Variants in ADAMTS17 observed in about 807,000 individuals in gnomAD.
The protein encoded by ADAMTS17 is A disintegrin and metalloproteinase with thrombospondin motifs 17.
A neutral mutation model predicts 141.5 loss-of-function variants in ADAMTS17; 113 were observed. That is an observed-to-expected ratio of 0.80 (90% CI 0.69 to 0.93). ADAMTS17 has a LOEUF of 0.93. Among genes scored for constraint, ADAMTS17 ranks in the 40% least tolerant of loss-of-function variants. ADAMTS17 has a pLI of 0.00. For missense variants in ADAMTS17, 1,659 were observed against 1,517.9 expected (o/e 1.09, Z -1.54); for synonymous variants, 768 against 630.6 (o/e 1.22, Z -3.27).
intron 3 of ADAMTS17, among the ~76,000 whole-genome samples, chr15:100,323,614 T>TA (rs971003245): frequency 6.6e-6 from 1 of 151,318 alleles, no homozygotes; most frequent in African/African-American, 2.4e-5. Context: ...AGAGAACATT[T>TA]AAAAAAGGAA....
At chr15:100,282,998 T>C (rs1447787450) in intron 3 of ADAMTS17, among the ~76,000 whole-genome samples, 1 of 152,234 alleles carries the variant, frequency 6.6e-6, no homozygotes, top group African/African-American at 2.4e-5. Context: ...GATCTTCGTT[T>C]TCCTATTTTC....
chr15:100,126,212 T>C (rs981309807), intron 12 of ADAMTS17: 6 of 152,218 alleles, frequency 3.9e-5, no homozygotes, highest in Admixed American at 2.6e-4. Context: ...GCCCCGGAGA[T>C]GGCTGGTAAT....
intron 4 of ADAMTS17, among the ~76,000 whole-genome samples, chr15:100,274,508 A>G (rs2044015262): frequency 6.6e-6 from 1 of 152,204 alleles, no homozygotes; most frequent in Non-Finnish European, 1.5e-5. Context: ...GGTTACAATT[A>G]GCATGGAATT....
intron 3 of ADAMTS17, among the ~76,000 whole-genome samples, chr15:100,286,165 T>C (rs536673914): frequency 6.6e-6 from 1 of 152,010 alleles, no homozygotes; most frequent in Non-Finnish European, 1.5e-5. Context: ...CACCCACAGA[T>C]CTCTCCCACT....
At chr15:100,093,883 A>G (rs2035611684) in intron 15 of ADAMTS17, among the ~76,000 whole-genome samples, 1 of 152,054 alleles carries the variant, frequency 6.6e-6, no homozygotes, top group Non-Finnish European at 1.5e-5. Context: ...CCATTGCGTG[A>G]TTGGGCTTGG....
In ADAMTS17 at chr15:99,972,755, C is replaced by T. The variant is rs1188845742; in HGVS notation, c.*1647G>A. Reference sequence around the variant, plus strand: ...GGAAGTGAGTAAATTCCCTGACATCCCTACCGCTTCTCTGCCTCTAGGGTA... The same window carrying T: ...GGAAGTGAGTAAATTCCCTGACATCTCTACCGCTTCTCTGCCTCTAGGGTA... On this transcript the variant is annotated 3_prime_UTR_variant, in exon 22 of 22. Transcript: ENST00000268070. 2 of 152,188 alleles carry T rather than the reference C, an allele frequency of 1.3e-5. No individual in the cohort carries two copies. Among genetic ancestry groups the T allele is most frequent in the African/African-American group, 4.8e-5 (2 of 41,426 alleles). The allele number at this position is 152,188 out of a possible 1,614,324, so 9.4% of individuals were successfully genotyped here.
rs539976731 is a variant in ADAMTS17, at chr15:100,318,529, C to T, written c.616+12360G>A. Among the ~76,000 whole-genome samples the T allele has an allele frequency of 4.5e-4, 68 of 152,306 alleles. 1 individual carries two copies. The highest frequency in any genetic ancestry group is 1.6e-3 in the African/African-American group (68 of 41,562). On this transcript the variant is annotated intron_variant, in intron 3 of 21. Coordinates refer to ENST00000268070, the MANE Select transcript of ADAMTS17 (RefSeq NM_139057.4). ...CCATCTGTGAAGCAGAGAGCAGGCC[C>T]CTCACCAGACACTGAGGCTGCTAGT...
intron 18 of ADAMTS17, among the ~76,000 whole-genome samples, chr15:100,005,278 A>G (rs1408037969): frequency 6.6e-6 from 1 of 152,162 alleles, no homozygotes; most frequent in African/African-American, 2.4e-5. Flanking sequence ...CCCCAACTTA[A>G]TGGCTCAAAA....
At chr15:100,246,910 G>T (rs561371411) in intron 7 of ADAMTS17, among the ~76,000 whole-genome samples, 2 of 140,204 alleles carry the variant, frequency 1.4e-5, no homozygotes, top group Non-Finnish European at 3.1e-5. Context: ...TTGAGACAAT[G>T]TCTCTCTCTG....
At chr15:100,268,573 T>C (rs2043799731) in intron 4 of ADAMTS17, among the ~76,000 whole-genome samples, 1 of 152,246 alleles carries the variant, frequency 6.6e-6, no homozygotes, top group Non-Finnish European at 1.5e-5. Context: ...CACATGTTTG[T>C]TGGCCGTGTG....
intron 8 of ADAMTS17, among the ~76,000 whole-genome samples, chr15:100,193,798 G>T (rs7174928): frequency 0.013 from 2,040 of 152,312 alleles, 59 homozygotes; most frequent in African/African-American, 0.047. Context: ...CTCCAGAATG[G>T]AAAGAGAATG....
At chr15:100,289,824 T>C (rs1042546444) in intron 3 of ADAMTS17, among the ~76,000 whole-genome samples, 12 of 152,226 alleles carry the variant, frequency 7.9e-5, no homozygotes, top group African/African-American at 2.4e-4. Flanking sequence ...CATCCCTTTA[T>C]GTTAAAAACC....
intron 3 of ADAMTS17, chr15:100,306,174 A>G (rs1009787249): frequency 3.5e-5 from 10 of 288,780 alleles, no homozygotes; most frequent in Non-Finnish European, 4.1e-5. Context: ...ACCTACAGTT[A>G]TAGAGGTGTG....
intron 21 of ADAMTS17, among the ~76,000 whole-genome samples, chr15:99,975,777 G>A (rs1055231321): frequency 4.6e-5 from 7 of 152,216 alleles, no homozygotes; most frequent in Non-Finnish European, 7.3e-5. Context: ...TACAGTGTCT[G>A]TGGAACATTC....
At chr15:100,260,538 C>T (rs1335364293) in intron 6 of ADAMTS17, among the ~76,000 whole-genome samples, 2 of 151,622 alleles carry the variant, frequency 1.3e-5, no homozygotes, top group African/African-American at 4.8e-5. Flanking sequence ...CACTTGAACC[C>T]AGGACGCAGA....
At chr15:100,102,483 G>A (rs12914053) in intron 14 of ADAMTS17, among the ~76,000 whole-genome samples, 5 of 88,432 alleles carry the variant, frequency 5.7e-5, no homozygotes, top group South Asian at 4.4e-4. Context: ...CAACTGAAGG[G>A]GATCTACATT....
At chr15:100,227,617 T>TCA (rs2042351218) in intron 7 of ADAMTS17, among the ~76,000 whole-genome samples, 1 of 152,186 alleles carries the variant, frequency 6.6e-6, no homozygotes, top group Non-Finnish European at 1.5e-5. Flanking sequence ...GGCCTTTCCC[T>TCA]CATGGTCCCA....
Position 100,109,087 on chromosome 15 carries a change from G to T in ADAMTS17, c.1918C>A (p.Leu640Ile). Residue 640 changes from leucine (L) to isoleucine (I), a missense_variant, in exon 14 of 22, where the codon CTC (leucine) becomes ATC (isoleucine). Transcript: ENST00000268070. The stretch of plus-strand genomic sequence containing the variant: ...ACCAGCAGTGGGGACTCCTTCCCGA[G>T]GGGCGAGCAGTAGAGTTCACATGGC... ...DKPCELYCSP[L>I]GKESPLLVAD... 6.2e-7 allele frequency: 1 copy of T among 1,613,606 alleles called. No individual in the cohort carries two copies. The highest frequency in any genetic ancestry group is 8.5e-7 in the Non-Finnish European group (1 of 1,179,852).
chr15:100,127,436 T>A (rs1041966757), intron 12 of ADAMTS17, among the ~76,000 whole-genome samples: 3 of 152,074 alleles, frequency 2.0e-5, no homozygotes, highest in Non-Finnish European at 4.4e-5. Context: ...GGATTCACCT[T>A]TGGAGTTTCA....
Sources: allele counts gnomAD v4.1 joint callset (sites outside exome capture counted in the v4.1 genomes callset), GRCh38; gene constraint gnomAD v4.1.1; transcripts MANE v1.5; gene names NCBI Gene and HGNC (gene_info 2026-07-23, HGNC 2026-07-21).